The following KCTD3 variants were observed in gnomAD, a reference collection of about 807,000 sequenced individuals.
KCTD3 encodes potassium channel tetramerization domain containing 3, also known as BTB/POZ domain-containing protein KCTD3.
KCTD3 carries 41 observed loss-of-function variants against 85.8 expected under a neutral mutation model. That is an observed-to-expected ratio of 0.48 (90% confidence interval 0.37 to 0.62). The LOEUF (loss-of-function observed/expected upper bound fraction) is 0.62. Among genes scored for constraint, KCTD3 ranks in the 20% least tolerant of loss-of-function variants. The pLI is 0.00. For synonymous variants in KCTD3, 338 were observed against 345.4 expected (o/e 0.98, Z 0.24); for missense variants, 724 against 989.9 (o/e 0.73, Z 3.60).
chr1:215,579,235 C>CT, intron 7 of KCTD3, 98 bp downstream of exon 7: 2 of 870,924 alleles, frequency 2.3e-6, no homozygotes, highest in Admixed American at 2.9e-5. Flanking sequence ...GCCTCATCTC[C>CT]TTTTTTATCC....
intron 9 of KCTD3, among the ~76,000 whole-genome samples, chr1:215,594,860 T>C (rs1660356046): frequency 6.6e-6 from 1 of 152,184 alleles, no homozygotes; most frequent in Non-Finnish European, 1.5e-5. Flanking sequence ...TTCTCCTTTT[T>C]GCTTATTTCC....
chr1:215,598,957 T>C (rs1329255776), intron 10 of KCTD3, among the ~76,000 whole-genome samples: 1 of 152,202 alleles, frequency 6.6e-6, no homozygotes, highest in African/African-American at 2.4e-5. Context: ...ATGTACCAAG[T>C]CTTGGCAGCC....
Position 215,567,596 on chromosome 1 carries a change from C to A in KCTD3, c.-90C>A. ...GGCCGCCGCCGCCCCGCTGGCCCTG[C>A]AGCCGTCGCCGCTGCCTCGGGCTAC... is the stretch of plus-strand genomic sequence containing the variant. On this transcript the variant is annotated 5_prime_UTR_variant, in exon 1 of 18. Transcript: ENST00000259154. 1 of 775,010 alleles carries A rather than the reference C, an allele frequency of 1.3e-6. No homozygotes were observed. Among genetic ancestry groups the A allele is most frequent in the Non-Finnish European group, 1.7e-6 (1 of 582,646 alleles). The allele number at this position is 775,010 out of a possible 1,614,324, so 48.0% of individuals were successfully genotyped here.
rs142406247 is a variant in KCTD3 at position 215,579,924 on chromosome 1, C to G, written c.551C>G (p.Pro184Arg). 3.7e-6 allele frequency: 6 copies of G among 1,612,482 alleles called. No homozygotes were observed. The highest frequency in any genetic ancestry group is 5.1e-6 in the Non-Finnish European group (6 of 1,178,692). The change falls in exon 8 of 18, where the codon CCA becomes CGA. Residue 184 changes from proline (P) to arginine (R), a missense_variant. Around this residue, in one of 6 missense-constraint regions of KCTD3, gnomAD observed 106 missense variants for 98.2 expected, o/e 1.08. Coordinates refer to ENST00000259154, the MANE Select transcript of KCTD3 (RefSeq NM_016121.5). ...AAATCAACAGGATTTCCTGTGGATC[C>G]ACGAAAGGTGCTAATAGTAGCTGGC... ...ETVRLGFPVD[P>R]RKVLIVAGHH...
At chr1:215,593,630 A>C (rs1471730515) in intron 9 of KCTD3, among the ~76,000 whole-genome samples, 1 of 152,178 alleles carries the variant, frequency 6.6e-6, no homozygotes, top group Non-Finnish European at 1.5e-5. Context: ...GAGTTCTTCA[A>C]GGTTTCATGC....
In KCTD3 at chr1:215,583,729, T is replaced by C. The variant is rs532718281; in HGVS notation, c.627-2766T>C. Among the ~76,000 whole-genome samples the C allele has an allele frequency of 3.9e-5, 6 of 152,306 alleles. No homozygotes were observed. In the South Asian group the frequency reaches 1.2e-3, roughly 32 times the overall value. ...GGTTTCAGAGGGAGGAAGATTCATC[T>C]TCTGTAACTTCTGCAGTCTGAATAG... On this transcript the variant is annotated intron_variant, in intron 8 of 17. Transcript: ENST00000259154.
At chr1:215,576,814 C>T (rs748411887) in intron 4 of KCTD3, among the ~76,000 whole-genome samples, 21 of 152,070 alleles carry the variant, frequency 1.4e-4, no homozygotes, top group Non-Finnish European at 2.1e-4. Context: ...GTAATCCACC[C>T]GCCTTGGCCT....
At chr1:215,577,814 A>G (rs1329527508) in intron 5 of KCTD3, 86 bp downstream of exon 5, 3 of 1,287,310 alleles carry the variant, frequency 2.3e-6, no homozygotes, top group African/African-American at 1.5e-5. Context: ...ATCAGGTCCT[A>G]ATTTTTGATG....
At chr1:215,572,721 C>A (rs150080026) in intron 1 of KCTD3, among the ~76,000 whole-genome samples, 1 of 152,310 alleles carries the variant, frequency 6.6e-6, no homozygotes, top group East Asian at 1.9e-4. Context: ...GGGAAACATC[C>A]CTTAGCCATT....
chr1:215,599,275 C>T (rs1362831558), intron 10 of KCTD3, among the ~76,000 whole-genome samples: 3 of 151,962 alleles, frequency 2.0e-5, no homozygotes, highest in Non-Finnish European at 4.4e-5. Context: ...AAATGGAATG[C>T]ATTAAGCAGT....
At chr1:215,604,330 G>A in intron 13 of KCTD3, 28 bp downstream of exon 13, 1 of 1,564,540 alleles carries the variant, frequency 6.4e-7, no homozygotes. Flanking sequence ...TACTGGTAAG[G>A]AACTTGGCTC....
At chr1:215,577,749 T>C in intron 5 of KCTD3, 21 bp downstream of exon 5, 1 of 1,546,534 alleles carries the variant, frequency 6.5e-7, no homozygotes, top group South Asian at 1.1e-5. Flanking sequence ...TTTTAATATT[T>C]GGTGTTTATG....
chr1:215,611,953 A>G (rs764299346), intron 15 of KCTD3, 32 bp downstream of exon 15: 3 of 1,378,548 alleles, frequency 2.2e-6, no homozygotes, highest in Non-Finnish European at 3.1e-6. Flanking sequence ...ATTTGTATTC[A>G]GAAGCCACCT....
chr1:215,578,109 A>G (rs755643626), intron 6 of KCTD3, 28 bp downstream of exon 6: 1 of 1,592,710 alleles, frequency 6.3e-7, no homozygotes, highest in South Asian at 1.1e-5. Context: ...AATCTTTTAA[A>G]AAATTCCTTG....
At chr1:215,615,339 G>A (rs542930871) in intron 15 of KCTD3, among the ~76,000 whole-genome samples, 47 of 152,136 alleles carry the variant, frequency 3.1e-4, no homozygotes, top group Non-Finnish European at 6.0e-4. Context: ...AATCTATCCC[G>A]GCCGGGCGTG....
rs1571865451 is a variant in KCTD3, at chr1:215,567,849, A to G, written c.83+81A>G. 8 of 991,724 alleles carry G rather than the reference A, an allele frequency of 8.1e-6. No homozygotes were observed. In the African/African-American group the frequency reaches 8.3e-5, roughly 10 times the overall value. The allele number at this position is 991,724 out of a possible 1,614,324, so 61.4% of individuals were successfully genotyped here. ...GGTGTCGACGGGGACCGAGAGTCGC[A>G]GGAACGAGGGCGAGCGTGGGAGGCC... On this transcript the variant is annotated intron_variant, in intron 1 of 17. Transcript: ENST00000259154.
At position 215,567,636 on chromosome 1, in the gene KCTD3, C is replaced by A; in HGVS notation, c.-50C>A. ...CCTCGGGCTACAGCCCCGGGCTCGG[C>A]GGTCCCGGCTGGGGAAGGAGGGCGG... On this transcript the variant is annotated 5_prime_UTR_variant, in exon 1 of 18. Coordinates refer to ENST00000259154, the MANE Select transcript of KCTD3 (RefSeq NM_016121.5). The A allele has an allele frequency of 8.6e-7, 1 of 1,156,296 alleles. No homozygotes were observed. The highest frequency in any genetic ancestry group is 1.1e-6 in the Non-Finnish European group (1 of 922,006). The allele number at this position is 1,156,296 out of a possible 1,614,324, so 71.6% of individuals were successfully genotyped here.
intron 1 of KCTD3, among the ~76,000 whole-genome samples, chr1:215,569,925 G>A: frequency 6.6e-6 from 1 of 152,160 alleles, no homozygotes; most frequent in Non-Finnish European, 1.5e-5. Flanking sequence ...TATAAAATAA[G>A]TAGTAATGGT....
chr1:215,588,053 G>C (rs1181889047), intron 9 of KCTD3, among the ~76,000 whole-genome samples: 1 of 152,164 alleles, frequency 6.6e-6, no homozygotes, highest in Non-Finnish European at 1.5e-5. Context: ...ATTTTCACTT[G>C]AAACGTTGAA....
Sources: gnomAD v4.1 joint callset for allele counts (sites outside exome capture counted in the v4.1 genomes callset) on GRCh38, gnomAD v4.1.1 for gene constraint, gnomAD v4.1.1 regional missense constraint, MANE v1.5 for transcripts, NCBI Gene and HGNC (gene_info 2026-07-23, HGNC 2026-07-21) for gene names.